Variants in FOCAD observed in about 807,000 individuals in gnomAD.
FOCAD encodes the protein focadhesin.
FOCAD carries 198 observed loss-of-function variants against 225.6 expected under a neutral mutation model. That is an observed-to-expected ratio of 0.88 (90% CI 0.78 to 0.99). The LOEUF is 0.99. FOCAD is among the 50% of genes least tolerant of loss of function. The probability of loss-of-function intolerance (pLI) is 0.00; values close to 1 mark genes in which losing one functional copy is unlikely to be tolerated. For missense variants in FOCAD, 2,713 were observed against 2,123.6 expected, an observed-to-expected ratio of 1.28 and a Z score of -5.46; for synonymous variants, 897 against 755.0, an observed-to-expected ratio of 1.19 and a Z score of -3.08.
chr9:20,833,259 G>A (rs901820798), intron 15 of FOCAD, among the ~76,000 whole-genome samples: 2 of 151,924 alleles, frequency 1.3e-5, no homozygotes, highest in African/African-American at 4.8e-5. Context: ...GTGATGTTGA[G>A]CAATAGGTAT....
intron 28 of FOCAD, among the ~76,000 whole-genome samples, chr9:20,942,814 A>G (rs1451894328): frequency 6.6e-6 from 1 of 152,170 alleles, no homozygotes; most frequent in Middle Eastern, 3.2e-3. Flanking sequence ...ACCCCAAATA[A>G]TTTTCATCAG....
chr9:20,872,272 T>C (rs1829848584), intron 18 of FOCAD, among the ~76,000 whole-genome samples: 1 of 152,180 alleles, frequency 6.6e-6, no homozygotes, highest in South Asian at 2.1e-4. Flanking sequence ...CTTTCTTTAG[T>C]GGCTCTTAAA....
At chr9:20,790,937 G>A (rs533424077) in intron 11 of FOCAD, among the ~76,000 whole-genome samples, 1 of 152,132 alleles carries the variant, frequency 6.6e-6, no homozygotes, top group Non-Finnish European at 1.5e-5. Context: ...AAGTGGATCT[G>A]TAATGTACTC....
chr9:20,758,164 C>T lies in FOCAD; in HGVS notation c.467C>T (p.Thr156Ile). The T allele has an allele frequency of 6.2e-7, 1 of 1,612,146 alleles. No individual in the cohort carries two copies. The highest frequency in any genetic ancestry group is 8.5e-7 in the Non-Finnish European group (1 of 1,179,152). ...TGGCCAGTGTTTTTGCAGCAGCTGA[C>T]AGCGTTTTTCCAGCAGTGCCCTGAA... is the stretch of plus-strand genomic sequence containing the variant. ...DCWPVFLQQL[T>I]AFFQQCPERL... Residue 156 changes from threonine (T) to isoleucine (I), a missense_variant, in exon 6 of 44, where the codon ACA becomes ATA. Transcript: ENST00000338382.
At chr9:20,948,799 C>G (rs1049328521) in intron 31 of FOCAD, 52 bp from the exon 32 acceptor site, 8 of 1,588,626 alleles carry the variant, frequency 5.0e-6, no homozygotes, top group African/African-American at 1.3e-5. Context: ...TTTATAGAAT[C>G]TAAACCCAAG....
At chr9:20,786,425 T>C (rs948937770) in intron 10 of FOCAD, among the ~76,000 whole-genome samples, 2 of 152,188 alleles carry the variant, frequency 1.3e-5, no homozygotes, top group African/African-American at 4.8e-5. Context: ...CTCTCAGCTC[T>C]TGTCTAGAGT....
intron 9 of FOCAD, among the ~76,000 whole-genome samples, chr9:20,781,326 A>G (rs1819337377): frequency 6.6e-6 from 1 of 152,202 alleles, no homozygotes; most frequent in African/African-American, 2.4e-5. Context: ...GCATCTGCTA[A>G]TAGGATTCTT....
chr9:20,763,761 A>G (rs927048948), intron 6 of FOCAD, among the ~76,000 whole-genome samples: 3 of 152,220 alleles, frequency 2.0e-5, no homozygotes, highest in Admixed American at 6.5e-5. Context: ...AGATAAACAG[A>G]GGCCAAATGA....
chr9:20,877,277 G>A (rs993136369), intron 19 of FOCAD, among the ~76,000 whole-genome samples: 2 of 152,086 alleles, frequency 1.3e-5, no homozygotes, highest in African/African-American at 2.4e-5. Flanking sequence ...TGTAATTGCC[G>A]AAATCCTGAA....
intron 5 of FOCAD, among the ~76,000 whole-genome samples, chr9:20,746,897 G>A (rs952515090): frequency 3.3e-5 from 5 of 151,970 alleles, no homozygotes; most frequent in African/African-American, 1.2e-4. Flanking sequence ...GTTTTTCATG[G>A]TGTTGGCATT....
chr9:20,993,453 G>A (rs1304354543), intron 43 of FOCAD, 125 bp downstream of exon 43: 5 of 778,684 alleles, frequency 6.4e-6, no homozygotes, highest in Non-Finnish European at 6.2e-6. Context: ...GACCAGAGGT[G>A]TTTTGGATTT....
chr9:20,790,720 G>A (rs779288277), intron 11 of FOCAD, among the ~76,000 whole-genome samples: 2 of 152,128 alleles, frequency 1.3e-5, no homozygotes, highest in Non-Finnish European at 2.9e-5. Flanking sequence ...GCAGTGAGCC[G>A]AGATTGCGCC....
intron 5 of FOCAD, among the ~76,000 whole-genome samples, chr9:20,744,066 A>G (rs1045947402): frequency 2.0e-5 from 3 of 152,204 alleles, no homozygotes; most frequent in Non-Finnish European, 4.4e-5. Flanking sequence ...TTTGGATGCT[A>G]GAGAGAAAAT....
At chr9:20,822,420 T>G (rs1208860298) in intron 14 of FOCAD, among the ~76,000 whole-genome samples, 3 of 151,976 alleles carry the variant, frequency 2.0e-5, no homozygotes, top group African/African-American at 7.2e-5. Context: ...ACAATATATG[T>G]GGATTAGAAA....
intron 10 of FOCAD, among the ~76,000 whole-genome samples, chr9:20,783,583 AT>A (rs11355264): frequency 0.29 from 41,700 of 143,420 alleles, 6,009 homozygotes; most frequent in South Asian, 0.35. Flanking sequence ...TGACTATTGG[AT>A]TTTTTTTTTT....
At chr9:20,707,363 AAACTTTCAATTTTTATG>A (rs1436732604) in intron 1 of FOCAD, among the ~76,000 whole-genome samples, 1 of 152,172 alleles carries the variant, frequency 6.6e-6, no homozygotes, top group Non-Finnish European at 1.5e-5. Context: ...TTATTGTTGA[AAACTTTCAATTTTTATG>A]AATTTTTATG....
chr9:20,811,464 A>C (rs1457387661), intron 11 of FOCAD, among the ~76,000 whole-genome samples: 1 of 152,080 alleles, frequency 6.6e-6, no homozygotes, highest in Non-Finnish European at 1.5e-5. Flanking sequence ...GTGATATATC[A>C]CTATAGAAAG....
chr9:20,859,665 T>C (rs1328916233), intron 15 of FOCAD, among the ~76,000 whole-genome samples: 3 of 147,410 alleles, frequency 2.0e-5, no homozygotes. Flanking sequence ...TATGGAAAAG[T>C]TTAAAGCATA....
chr9:20,970,402 G>A (rs1240610056), intron 35 of FOCAD, among the ~76,000 whole-genome samples: 3 of 151,982 alleles, frequency 2.0e-5, no homozygotes, highest in Admixed American at 2.0e-4. Context: ...TAGACTGAGT[G>A]ATTTTAGTTG....
Sources: gnomAD v4.1 joint callset for allele counts (sites outside exome capture counted in the v4.1 genomes callset) on GRCh38, gnomAD v4.1.1 for gene constraint, MANE v1.5 for transcripts, NCBI Gene and HGNC (gene_info 2026-07-23, HGNC 2026-07-21) for gene names.